LRP1B: variants seen among roughly 807,000 people sequenced by gnomAD.
LRP1B encodes low-density lipoprotein receptor-related protein 1B.
In LRP1B, 217 loss-of-function variants were observed where a neutral mutation model predicts 556.6. The ratio of observed to expected loss-of-function variants is 0.39; its 90% CI spans 0.35 to 0.44. LRP1B has a LOEUF of 0.44. Ranked by LOEUF, LRP1B falls within the 20% of genes least tolerant of loss-of-function variation. The pLI, the probability that LRP1B is intolerant of heterozygous loss-of-function variation, is 1.00. For missense variants in LRP1B, 5,053 were observed against 5,620.8 expected (o/e 0.90, Z 3.23); for synonymous variants, 2,047 against 1,865.8 (o/e 1.10, Z -2.50).
At chr2:141,147,143 CT>C in intron 7 of LRP1B, among the ~76,000 whole-genome samples, 1 of 152,278 alleles carries the variant, frequency 6.6e-6, no homozygotes, top group Middle Eastern at 3.4e-3. Context: ...GATTATAGCA[CT>C]TTTTAGGTTG....
intron 35 of LRP1B, among the ~76,000 whole-genome samples, chr2:140,759,846 A>C (rs1688855992): frequency 6.6e-6 from 1 of 152,242 alleles, no homozygotes; most frequent in African/African-American, 2.4e-5. Flanking sequence ...GTGTGCATAC[A>C]AATACAAATG....
At chr2:141,686,884 C>T (rs1017430095) in intron 2 of LRP1B, among the ~76,000 whole-genome samples, 2 of 151,958 alleles carry the variant, frequency 1.3e-5, no homozygotes, top group Non-Finnish European at 2.9e-5. Context: ...GCTCAGCCCC[C>T]TAGCCATGTG....
At chr2:141,670,995 T>C (rs1041690091) in intron 2 of LRP1B, among the ~76,000 whole-genome samples, 2 of 152,172 alleles carry the variant, frequency 1.3e-5, no homozygotes, top group African/African-American at 4.8e-5. Flanking sequence ...TCATGTGCTG[T>C]GGTTAGTTCA....
intron 84 of LRP1B, among the ~76,000 whole-genome samples, chr2:140,291,040 T>C (rs570564994): frequency 1.6e-4 from 24 of 152,032 alleles, no homozygotes; most frequent in African/African-American, 5.5e-4. Context: ...AAAGGATACA[T>C]ATTCACATAT....
chr2:140,537,279 A>G (rs892760212), intron 45 of LRP1B, among the ~76,000 whole-genome samples: 2 of 150,142 alleles, frequency 1.3e-5, no homozygotes, highest in African/African-American at 4.9e-5. Context: ...AACTCTGTAC[A>G]TACTGAAAGT....
intron 86 of LRP1B, among the ~76,000 whole-genome samples, chr2:140,263,941 T>C (rs1006495809): frequency 5.9e-5 from 9 of 152,228 alleles, no homozygotes; most frequent in African/African-American, 1.9e-4. Context: ...ATTAGTTTGC[T>C]ATGGCTGCCA....
chr2:141,715,150 T>C (rs1318236268), intron 2 of LRP1B, among the ~76,000 whole-genome samples: 1 of 152,130 alleles, frequency 6.6e-6, no homozygotes, highest in Non-Finnish European at 1.5e-5. Context: ...GTATTATTCC[T>C]GCTTGACTCA....
intron 3 of LRP1B, among the ~76,000 whole-genome samples, chr2:141,468,317 C>T (rs1051948413): frequency 6.6e-6 from 1 of 152,138 alleles, no homozygotes; most frequent in African/African-American, 2.4e-5. Context: ...TCATCTTACA[C>T]TGGTTTTGAA....
At chr2:141,567,660 T>A (rs1686380327) in intron 2 of LRP1B, among the ~76,000 whole-genome samples, 1 of 152,066 alleles carries the variant, frequency 6.6e-6, no homozygotes, top group Admixed American at 6.6e-5. Context: ...ACTCTCTAAG[T>A]GTTTAGAATA....
At chr2:140,237,338 G>T (rs1680754073) in intron 89 of LRP1B, among the ~76,000 whole-genome samples, 1 of 150,834 alleles carries the variant, frequency 6.6e-6, no homozygotes, top group African/African-American at 2.4e-5. Flanking sequence ...TCAAATGACA[G>T]GATTTCCTTC....
At chr2:141,292,087 C>T (rs551789853) in intron 3 of LRP1B, among the ~76,000 whole-genome samples, 1 of 152,276 alleles carries the variant, frequency 6.6e-6, no homozygotes, top group South Asian at 2.1e-4. Context: ...AGCTCCACCT[C>T]CTGTCAGATC....
intron 2 of LRP1B, among the ~76,000 whole-genome samples, chr2:141,658,883 C>T (rs1450363713): frequency 6.6e-6 from 1 of 151,942 alleles, no homozygotes; most frequent in Non-Finnish European, 1.5e-5. Flanking sequence ...TACATGGGTC[C>T]AAAGAAGAGA....
chr2:141,354,469 G>A lies in LRP1B; in HGVS notation c.344-99828C>T, dbSNP rs561469611. Among the ~76,000 whole-genome samples, 65 of 152,094 alleles carry A rather than the reference G, an allele frequency of 4.3e-4. 1 individual carries two copies. The highest frequency in any genetic ancestry group is 8.3e-4 in the South Asian group (4 of 4,822). Reference sequence around the variant, plus strand: ...TTTATGCAAAGAATGAAGAGTAAAAGAATTGTTTAGGGACTTTCAAAGAGA... The same window carrying A: ...TTTATGCAAAGAATGAAGAGTAAAAAAATTGTTTAGGGACTTTCAAAGAGA... On this transcript the variant is annotated intron_variant, in intron 3 of 90. Transcript: ENST00000389484.
rs567212225 is a variant in LRP1B at position 140,946,274 on chromosome 2, C to T, written c.3136+3961G>A. Among the ~76,000 whole-genome samples the T allele has an allele frequency of 1.8e-4, 27 of 151,948 alleles. No homozygotes were observed. In the South Asian group the frequency reaches 5.4e-3, roughly 30 times the overall value. On this transcript the variant is annotated intron_variant, in intron 20 of 90. Transcript: ENST00000389484. ...GGTAGAAATGTAAATTAGTTCAGCC[C>T]CTGTGGAAAGAAATTTGGACATTTT...
In LRP1B at chr2:142,058,468, A is replaced by G. The variant is rs1455018726; in HGVS notation, c.82+72180T>C. 2.0e-5 allele frequency among the ~76,000 whole-genome samples: 3 copies of G among 152,256 alleles called. No individual in the cohort carries two copies. The East Asian group carries it at 5.8e-4, about 30-fold the overall frequency. ...GCAAGCTTGTGCAACCCATGACCCA[A>G]GGGCTGCATGTGGGCCAGGATGGCT... On this transcript the variant is annotated intron_variant, in intron 1 of 90. Transcript: ENST00000389484.
At chr2:141,064,942 C>T (rs1464226421) in intron 7 of LRP1B, among the ~76,000 whole-genome samples, 1 of 151,870 alleles carries the variant, frequency 6.6e-6, no homozygotes, top group East Asian at 1.9e-4. Flanking sequence ...TGGTGCTCTG[C>T]AAACTCCACG....
At position 140,444,592 on chromosome 2, in the gene LRP1B, CA is replaced by C; in HGVS notation, c.10144del (p.Cys3382ValfsTer31). 1.2e-6 allele frequency: 2 copies of C among 1,613,970 alleles called. No individual in the cohort carries two copies. The highest frequency in any genetic ancestry group is 1.7e-6 in the Non-Finnish European group (2 of 1,179,902). ...GTTGAGTTCATCAGAATTGTCTCCA[CA>C]ATCATTCTCTCCATCACAGATGAAA... ...PAFICDGEND[C>X]GDNSDELNCD... On this transcript the variant is annotated frameshift_variant, in exon 64 of 91. Coordinates refer to ENST00000389484, the MANE Select transcript of LRP1B (RefSeq NM_018557.3). LOFTEE classifies it high-confidence loss of function.
chr2:142,016,031 C>G (rs1180522221), intron 1 of LRP1B, among the ~76,000 whole-genome samples: 1 of 101,856 alleles, frequency 9.8e-6, no homozygotes, highest in African/African-American at 3.5e-5. Context: ...AGGAGATGAA[C>G]AGACACTTCT....
At chr2:140,785,861 G>A (rs1689880380) in intron 32 of LRP1B, among the ~76,000 whole-genome samples, 2 of 152,256 alleles carry the variant, frequency 1.3e-5, no homozygotes, top group South Asian at 2.1e-4. Context: ...GGCGAGGCCA[G>A]ACGGTCACTG....
Sources: allele counts gnomAD v4.1 joint callset (sites outside exome capture counted in the v4.1 genomes callset), GRCh38; gene constraint gnomAD v4.1.1; transcripts MANE v1.5; gene names NCBI Gene and HGNC (gene_info 2026-07-23, HGNC 2026-07-21).